SLC5A5: variants seen among roughly 807,000 people sequenced by gnomAD.
SLC5A5 encodes solute carrier family 5 member 5.
A neutral mutation model predicts 68.6 loss-of-function variants in SLC5A5; 56 were observed. The ratio of observed to expected loss-of-function variants is 0.82; its 90% CI spans 0.66 to 1.02. The LOEUF is 1.02. SLC5A5 is among the 50% of genes least tolerant of loss of function. The pLI, the probability that SLC5A5 is intolerant of heterozygous loss-of-function variation, is 0.00. For missense variants in SLC5A5, 807 were observed against 859.8 expected (o/e 0.94, Z 0.77); for synonymous variants, 398 against 373.0 (o/e 1.07, Z -0.77).
chr19:17,882,169 T>C lies in SLC5A5; in HGVS notation c.1192T>C (p.Cys398Arg), dbSNP rs1421358195. Residue 398 changes from cysteine to arginine, a missense_variant, in exon 10 of 15, where the codon TGT becomes CGT. Cys to Arg is a radical substitution (Grantham distance 180). Transcript: ENST00000222248. ...TACAGCACTCATCTACGGATCGGCCTGTCTCACCGTGGCAGCCCTGTCCTC... is the reference window on the plus strand; with the variant it reads ...TACAGCACTCATCTACGGATCGGCCCGTCTCACCGTGGCAGCCCTGTCCTC... Reference protein sequence around the residue: ...KGLSLIYGSACLTVAALSSLL... With the variant: ...KGLSLIYGSARLTVAALSSLL... 1.2e-5 allele frequency: 20 copies of C among 1,614,036 alleles called. No individual in the cohort carries two copies. Among genetic ancestry groups the C allele is most frequent in the Non-Finnish European group, 1.7e-5 (20 of 1,180,028 alleles).
At position 17,882,089 on chromosome 19, in the gene SLC5A5, C is replaced by A. The variant is rs752717994; in HGVS notation, c.1171+17C>A. The A allele has an allele frequency of 2.5e-6, 4 of 1,612,152 alleles. No individual in the cohort carries two copies. The East Asian group carries it at 6.7e-5, about 27-fold the overall frequency. ...AGGGGCTCTGTGAGTTTCAGGGAGA[C>A]CTGGGTGGGAGGCCAGGGCAGTCCC... On this transcript the variant is annotated intron_variant, in intron 9 of 14. Transcript: ENST00000222248.
chr19:17,891,767 A>G (rs1599935332), intron 14 of SLC5A5, among the ~76,000 whole-genome samples: 1 of 152,198 alleles, frequency 6.6e-6, no homozygotes, highest in African/African-American at 2.4e-5. Flanking sequence ...TGCTTTGTGA[A>G]TTCCCAGAGT....
At chr19:17,891,102 A>C in intron 14 of SLC5A5, 101 bp downstream of exon 14, 1 of 772,294 alleles carries the variant, frequency 1.3e-6, no homozygotes, top group Admixed American at 1.9e-5. Flanking sequence ...ACCTTTCTCC[A>C]TCGCTCATTA....
At chr19:17,889,413 A>AGAAGGAAGGAAGGAAGTAAG (rs2030066922) in intron 13 of SLC5A5, among the ~76,000 whole-genome samples, 1 of 137,608 alleles carries the variant, frequency 7.3e-6, no homozygotes, top group African/African-American at 3.1e-5. Context: ...AAAGAAAGAA[A>AGAAGGAAGGAAGGAAGTAAG]GAAGGAAGGA....
rs2147741519 is a variant in SLC5A5 at position 17,882,145 on chromosome 19, A to G, written c.1172-4A>G. ...GTTGACCGTGCCATCCTCATCCACT[A>G]CAGCACTCATCTACGGATCGGCCTG... On this transcript the variant is annotated splice_region_variant and splice_polypyrimidine_tract_variant and intron_variant, in intron 9 of 14. Transcript: ENST00000222248. The G allele has an allele frequency of 1.2e-6, 2 of 1,613,932 alleles. No individual in the cohort carries two copies. The highest frequency in any genetic ancestry group is 1.6e-4 in the Middle Eastern group (1 of 6,062).
Position 17,883,686 on chromosome 19 carries a change from C to T in SLC5A5, c.1248C>T (p.Ser416=). 1.2e-6 allele frequency: 2 copies of T among 1,613,264 alleles called. No individual in the cohort carries two copies. Among genetic ancestry groups the T allele is most frequent in the Non-Finnish European group, 1.7e-6 (2 of 1,179,696 alleles). The change falls in exon 11 of 15, where the codon TCC becomes TCT. Residue 416 remains serine, a synonymous_variant. Transcript: ENST00000222248. ...ACTTCCACCTACTCTCCCAGGGCTCCTTCACCGTCATGGGAGTCATCAGCG... is the reference window on the plus strand; with the variant it reads ...ACTTCCACCTACTCTCCCAGGGCTCTTTCACCGTCATGGGAGTCATCAGCG... ...SLLGGGVLQG[S]FTVMGVISGP...
chr19:17,874,393 C>CT, intron 2 of SLC5A5, 101 bp from the exon 3 acceptor site: 2 of 1,233,844 alleles, frequency 1.6e-6, no homozygotes, highest in Non-Finnish European at 2.4e-6. Flanking sequence ...CCCGGCCTAT[C>CT]TGCCCCGCCC....
chr19:17,894,145 T>A lies in SLC5A5; in HGVS notation c.*268T>A. 1.9e-5 allele frequency: 3 copies of A among 159,912 alleles called. No homozygotes were observed. The highest frequency in any genetic ancestry group is 1.8e-4 in the East Asian group (1 of 5,698). The allele number at this position is 159,912 out of a possible 1,614,324, so 9.9% of individuals were successfully genotyped here. A position where few individuals can be genotyped will look rare whatever the true frequency, so the allele number is the denominator to read the frequency against. On this transcript the variant is annotated 3_prime_UTR_variant, in exon 15 of 15. Transcript: ENST00000222248. The stretch of plus-strand genomic sequence containing the variant: ...TAAGGCTGGGTTTTTCTCTCTCTCT[T>A]TTTTTTTTTTTTTTTTTTTTGAGAC...
chr19:17,879,011 G>A (rs2094314541), intron 7 of SLC5A5, among the ~76,000 whole-genome samples: 1 of 141,196 alleles, frequency 7.1e-6, no homozygotes, highest in Admixed American at 7.3e-5. Flanking sequence ...ACCAAAACAA[G>A]GCTGGGCGCG....
chr19:17,890,434 C>A (rs554839733), intron 13 of SLC5A5, among the ~76,000 whole-genome samples: 1 of 152,170 alleles, frequency 6.6e-6, no homozygotes, highest in South Asian at 2.1e-4. Context: ...ACTCTGTCAC[C>A]AAGCTGGAGT....
chr19:17,881,089 C>T (rs556553751), intron 8 of SLC5A5, 136 bp downstream of exon 8: 10 of 748,068 alleles, frequency 1.3e-5, no homozygotes, highest in African/African-American at 6.9e-5. Context: ...CCCTAGAAGA[C>T]AGCTCAGGTA....
intron 1 of SLC5A5, among the ~76,000 whole-genome samples, chr19:17,873,922 G>C (rs905600664): frequency 6.6e-6 from 1 of 152,232 alleles, no homozygotes; most frequent in African/African-American, 2.4e-5. Context: ...GCGTGCACAC[G>C]CATGGACCAG....
intron 10 of SLC5A5, among the ~76,000 whole-genome samples, 168 bp from the exon 11 acceptor site, chr19:17,883,513 G>A (rs1323281342): frequency 7.1e-6 from 1 of 140,404 alleles, no homozygotes; most frequent in Non-Finnish European, 1.6e-5. Context: ...AGGGAGATAG[G>A]CAGGAACAAG....
rs973118633 is a variant in SLC5A5 at position 17,880,787 on chromosome 19, C to T, written c.970-78C>T. Reference sequence around the variant, plus strand: ...CCCTGTCCGTCTTGGGTGCTGGGGACGTGCAGCATCAGGACAGATAGATGC... The same window carrying T: ...CCCTGTCCGTCTTGGGTGCTGGGGATGTGCAGCATCAGGACAGATAGATGC... On this transcript the variant is annotated intron_variant, in intron 7 of 14. Transcript: ENST00000222248. 2.3e-5 allele frequency: 23 copies of T among 992,866 alleles called. No homozygotes were observed. In the Admixed American group the frequency reaches 2.9e-4, roughly 12 times the overall value. 61.5% of individuals were successfully genotyped at this position (992,866 alleles called of 1,614,324 possible). A position where few individuals can be genotyped will look rare whatever the true frequency, so the allele number is the denominator to read the frequency against.
At chr19:17,876,318 T>C (rs1017034409) in intron 5 of SLC5A5, among the ~76,000 whole-genome samples, 2 of 150,694 alleles carry the variant, frequency 1.3e-5, no homozygotes, top group Non-Finnish European at 3.0e-5. Flanking sequence ...TCCCAGGTAG[T>C]TGAGAGGCTG....
intron 14 of SLC5A5, 91 bp downstream of exon 14, chr19:17,891,092 AC>A (rs1382755102): frequency 1.2e-6 from 1 of 815,228 alleles, no homozygotes; most frequent in Admixed American, 1.8e-5. Flanking sequence ...GTATATCAGC[AC>A]CTTTCTCCAT....
chr19:17,890,348 G>A (rs539781735), intron 13 of SLC5A5, among the ~76,000 whole-genome samples: 18 of 152,282 alleles, frequency 1.2e-4, no homozygotes, highest in African/African-American at 3.6e-4. Context: ...GGGACTACAG[G>A]CGTGAGCCAC....
rs886054282 is a variant in SLC5A5 at position 17,872,681 on chromosome 19, C to T, written c.357+5C>T. 2.6e-6 allele frequency: 4 copies of T among 1,537,296 alleles called. No homozygotes were observed. The highest frequency in any genetic ancestry group is 3.6e-6 in the Non-Finnish European group (4 of 1,116,954). ...GGCCTCACCAGCACCTACGAGGTAC[C>T]GGACAGAGGCCCGGGGGTAGGACCT... On this transcript the variant is annotated splice_donor_5th_base_variant and intron_variant, in intron 1 of 14. Coordinates refer to ENST00000222248, the MANE Select transcript of SLC5A5 (RefSeq NM_000453.3).
intron 5 of SLC5A5, among the ~76,000 whole-genome samples, chr19:17,877,191 A>G (rs2147733968): frequency 6.6e-6 from 1 of 152,064 alleles, no homozygotes; most frequent in African/African-American, 2.4e-5. Flanking sequence ...CTGGGCAAAG[A>G]AAGGTTTTTA....
Sources: allele counts gnomAD v4.1 joint callset (sites outside exome capture counted in the v4.1 genomes callset), GRCh38; gene constraint gnomAD v4.1.1; transcripts MANE v1.5; gene names NCBI Gene and HGNC (gene_info 2026-07-23, HGNC 2026-07-21).